TEX9: variants seen among roughly 807,000 people sequenced by gnomAD.
The protein encoded by TEX9 is testis-expressed protein 9.
In TEX9, 74 loss-of-function variants were observed where a neutral mutation model predicts 59.6. The ratio of observed to expected loss-of-function variants is 1.24; its 90% CI spans 1.03 to 1.51. TEX9 has a LOEUF of 1.51. Among genes scored for constraint, TEX9 ranks in the 40% most tolerant of loss-of-function variants. The pLI, the probability that TEX9 is intolerant of heterozygous loss-of-function variation, is 0.00. For missense variants in TEX9, 522 were observed against 447.8 expected (o/e 1.17, Z -1.49); for synonymous variants, 186 against 152.2 (o/e 1.22, Z -1.64).
intron 1 of TEX9, among the ~76,000 whole-genome samples, chr15:56,303,840 A>G: frequency 6.6e-6 from 1 of 152,234 alleles, no homozygotes; most frequent in Non-Finnish European, 1.5e-5. Flanking sequence ...ACAGAAATTC[A>G]AAGGATCATT....
At chr15:56,368,582 A>G (rs2047050497) in intron 2 of TEX9, among the ~76,000 whole-genome samples, 1 of 152,074 alleles carries the variant, frequency 6.6e-6, no homozygotes, top group Non-Finnish European at 1.5e-5. Flanking sequence ...CTATGCATTT[A>G]GCTTCTTTAA....
intron 1 of TEX9, among the ~76,000 whole-genome samples, chr15:56,309,819 AAG>A (rs758320067): frequency 4.1e-4 from 61 of 147,856 alleles, no homozygotes; most frequent in Non-Finnish European, 7.6e-4. Context: ...GGGCTGTTTC[AAG>A]GGAGAATGAG....
intron 1 of TEX9, among the ~76,000 whole-genome samples, chr15:56,337,861 G>C (rs1252520279): frequency 2.6e-5 from 4 of 152,184 alleles, no homozygotes; most frequent in Non-Finnish European, 5.9e-5. Context: ...GCAGGAGTCT[G>C]TGTTTCCCAA....
chr15:56,359,991 C>T (rs2046761871), intron 1 of TEX9, among the ~76,000 whole-genome samples: 1 of 152,088 alleles, frequency 6.6e-6, no homozygotes, highest in South Asian at 2.1e-4. Context: ...TTTATATGAT[C>T]ATATAATTTT....
At chr15:56,339,169 G>A (rs144743582) in intron 1 of TEX9, among the ~76,000 whole-genome samples, 1 of 151,518 alleles carries the variant, frequency 6.6e-6, no homozygotes, top group Non-Finnish European at 1.5e-5. Flanking sequence ...GATCACCTGA[G>A]GTCAGGAGTT....
At chr15:56,380,845 T>C (rs2142127836) in intron 3 of TEX9, among the ~76,000 whole-genome samples, 1 of 152,320 alleles carries the variant, frequency 6.6e-6, no homozygotes, top group East Asian at 1.9e-4. Flanking sequence ...GTTTTTAGGA[T>C]CCTTTCTTTA....
intron 10 of TEX9, among the ~76,000 whole-genome samples, chr15:56,418,381 G>C (rs907877413): frequency 6.6e-6 from 1 of 151,680 alleles, no homozygotes; most frequent in African/African-American, 2.4e-5. Context: ...TGGTGGTAAA[G>C]AGTTCCTTCA....
intron 8 of TEX9, 26 bp downstream of exon 8, chr15:56,394,273 G>A (rs534573646): frequency 2.6e-6 from 4 of 1,533,524 alleles, no homozygotes; most frequent in South Asian, 2.5e-5. Context: ...CTCTTAAAAG[G>A]CTCTAATATT....
In TEX9 at chr15:56,440,205, A is replaced by G. The variant is rs534779021; in HGVS notation, c.*30-5466A>G. Among the ~76,000 whole-genome samples, 17 of 152,292 alleles carry G rather than the reference A, an allele frequency of 1.1e-4. No individual in the cohort carries two copies. In the South Asian group the frequency reaches 3.5e-3, roughly 32 times the overall value. ...TCATTAGTCATCAGGAAAATGCAAAATAAAACTACAAGGTATCACTACATG... is the reference window on the plus strand; with the variant it reads ...TCATTAGTCATCAGGAAAATGCAAAGTAAAACTACAAGGTATCACTACATG... On this transcript the variant is annotated intron_variant, in intron 12 of 12. Coordinates refer to ENST00000352903, the Ensembl canonical transcript of TEX9.
At chr15:56,300,251 G>A (rs2045311906) in intron 1 of TEX9, among the ~76,000 whole-genome samples, 1 of 150,004 alleles carries the variant, frequency 6.7e-6, no homozygotes, top group Non-Finnish European at 1.5e-5. Context: ...CTGGGGTGAT[G>A]ATGGCCATGA....
chr15:56,256,806 A>G (rs1215745866), intron 1 of TEX9, among the ~76,000 whole-genome samples: 2 of 152,100 alleles, frequency 1.3e-5, no homozygotes, highest in African/African-American at 2.4e-5. Context: ...TTAGGGGTAC[A>G]TGCGCAAGAT....
the TEX9 span, among the ~76,000 whole-genome samples, chr15:56,459,892 C>T: frequency 4.8e-5 from 7 of 147,196 alleles, no homozygotes; most frequent in East Asian, 4.0e-4. Context: ...TGGAAGGCCT[C>T]GGCAGGAGAA....
intron 1 of TEX9, among the ~76,000 whole-genome samples, chr15:56,339,401 A>AAAC (rs1555434472): frequency 1.0e-4 from 13 of 124,234 alleles, no homozygotes; most frequent in Non-Finnish European, 1.9e-4. Flanking sequence ...AAAAAAAAAA[A>AAAC]AAAAAAAAAA....
At chr15:56,377,721 T>C (rs1163445089) in intron 3 of TEX9, among the ~76,000 whole-genome samples, 1 of 152,202 alleles carries the variant, frequency 6.6e-6, no homozygotes, top group Non-Finnish European at 1.5e-5. Context: ...TTGGATGCCC[T>C]TTATTTCTTT....
chr15:56,258,161 T>C (rs2044184956), intron 1 of TEX9, among the ~76,000 whole-genome samples: 1 of 152,176 alleles, frequency 6.6e-6, no homozygotes, highest in Non-Finnish European at 1.5e-5. Context: ...TCTGTTCTTG[T>C]ACTGGTACCA....
chr15:56,431,608 G>T, intron 12 of TEX9: 1 of 981,188 alleles, frequency 1.0e-6, no homozygotes, highest in Non-Finnish European at 1.5e-6. Flanking sequence ...AACTATTTAT[G>T]ACACTAAGTT....
chr15:56,320,823 C>G (rs529101181), intron 1 of TEX9, among the ~76,000 whole-genome samples: 17 of 152,284 alleles, frequency 1.1e-4, no homozygotes, highest in Non-Finnish European at 2.4e-4. Flanking sequence ...TCATACTGGT[C>G]TAATACTAAA....
upstream of TEX9, among the ~76,000 whole-genome samples, chr15:56,362,659 A>G (rs1186025014): frequency 6.6e-6 from 1 of 152,200 alleles, no homozygotes; most frequent in Non-Finnish European, 1.5e-5. Flanking sequence ...TGATTTTAGA[A>G]TATTTTCACT....
At chr15:56,245,862 G>GTA (rs544504551) in intron 1 of TEX9, among the ~76,000 whole-genome samples, 231 of 152,190 alleles carry the variant, frequency 1.5e-3, no homozygotes, top group African/African-American at 4.4e-3. Context: ...TTGAATGTAG[G>GTA]TATATATATA....
Sources: gnomAD v4.1 joint callset for allele counts (sites outside exome capture counted in the v4.1 genomes callset) on GRCh38, gnomAD v4.1.1 for gene constraint, MANE v1.5 for transcripts, NCBI Gene and HGNC (gene_info 2026-07-23, HGNC 2026-07-21) for gene names.